KDM4D: variants seen among roughly 807,000 people sequenced by gnomAD.
KDM4D encodes the protein lysine demethylase 4D, also known as lysine-specific demethylase 4D.
For missense variants in KDM4D, 427 were observed against 674.8 expected (o/e 0.63, Z 4.07); for synonymous variants, 254 against 249.1 (o/e 1.02, Z -0.19).
intron 2 of KDM4D, among the ~76,000 whole-genome samples, chr11:94,990,480 A>T (rs587626145): frequency 6.6e-6 from 1 of 152,344 alleles, no homozygotes; most frequent in Non-Finnish European, 1.5e-5. Context: ...CTACGTTTGT[A>T]TAAGAAAATT....
chr11:94,978,877 A>G (rs907687986), intron 2 of KDM4D, among the ~76,000 whole-genome samples: 6 of 152,204 alleles, frequency 3.9e-5, no homozygotes, highest in Non-Finnish European at 7.4e-5. Flanking sequence ...TAGGAAAATT[A>G]CTATCGGACA....
chr11:94,994,838 A>C (rs1555099052), intron 2 of KDM4D, among the ~76,000 whole-genome samples: 1 of 152,080 alleles, frequency 6.6e-6, no homozygotes, highest in African/African-American at 2.4e-5. Context: ...GAGTAAGGAC[A>C]GTAGCTTAAA....
At chr11:94,979,031 A>G (rs1590964293) in intron 2 of KDM4D, among the ~76,000 whole-genome samples, 1 of 152,202 alleles carries the variant, frequency 6.6e-6, no homozygotes, top group East Asian at 1.9e-4. Context: ...GATCTACTAT[A>G]TAAGTTATAT....
Position 94,997,459 on chromosome 11 carries a change from T to G in KDM4D, c.87T>G (p.Asn29Lys), listed in dbSNP as rs1555099333. The G allele has an allele frequency of 6.2e-7, 1 of 1,614,092 alleles. No individual in the cohort carries two copies. The highest frequency in any genetic ancestry group is 1.7e-5 in the Admixed American group (1 of 60,012). Residue 29 changes from asparagine to lysine, a missense_variant, in exon 3 of 3, where the codon AAT becomes AAG. Asn to Lys is a moderately conservative substitution (Grantham distance 94). Transcript: ENST00000335080. ...MIFHPTKEEFNDFDKYIAYME... is the reference protein window; with the variant it reads ...MIFHPTKEEFKDFDKYIAYME... Reference sequence around the variant, plus strand: ...TTCATCCAACCAAAGAAGAGTTTAATGATTTTGATAAATATATTGCTTACA... The same window carrying G: ...TTCATCCAACCAAAGAAGAGTTTAAGGATTTTGATAAATATATTGCTTACA...
chr11:94,997,555 G>C lies in KDM4D; in HGVS notation c.183G>C (p.Glu61Asp). The change falls in exon 3 of 3, where the codon GAG becomes GAC. Residue 61 changes from glutamate to aspartate, a missense_variant. Physicochemically the swap from Glu to Asp is conservative, Grantham distance 45 (BLOSUM62 2). Coordinates refer to ENST00000335080, the MANE Select transcript of KDM4D (RefSeq NM_018039.3). ...IIPPKEWKAR[E>D]TYDNISEILI... ...CACCCAAAGAATGGAAAGCCAGAGA[G>C]ACCTATGATAATATCAGTGAAATCT... The C allele has an allele frequency of 6.2e-7, 1 of 1,614,014 alleles. No individual in the cohort carries two copies. The highest frequency in any genetic ancestry group is 8.5e-7 in the Non-Finnish European group (1 of 1,180,006).
At position 94,998,866 on chromosome 11, in the gene KDM4D, G is replaced by A; in HGVS notation, c.1494G>A (p.Met498Ile). 1 of 1,553,234 alleles carries A rather than the reference G, an allele frequency of 6.4e-7. No individual in the cohort carries two copies. Among genetic ancestry groups the A allele is most frequent in the Middle Eastern group, 1.7e-4 (1 of 5,746 alleles). ...PEPLPEDGAL[M>I]DKPVPLSPGL... The stretch of plus-strand genomic sequence containing the variant: ...CCCTACCTGAGGATGGGGCTTTGAT[G>A]GACAAGCCTGTACCACTGAGCCCAG... Residue 498 changes from methionine (M) to isoleucine (I), a missense_variant, in exon 3 of 3, where the codon ATG becomes ATA. Physicochemically the swap from Met to Ile is conservative, Grantham distance 10. Coordinates refer to ENST00000335080, the MANE Select transcript of KDM4D (RefSeq NM_018039.3). The surrounding 1 kb of genome is among the most constrained non-coding windows in gnomAD (Gnocchi z 6.7).
chr11:94,987,996 A>G (rs1857902709), intron 2 of KDM4D, among the ~76,000 whole-genome samples: 1 of 152,214 alleles, frequency 6.6e-6, no homozygotes, highest in Admixed American at 6.5e-5. Context: ...AAAACTGAAA[A>G]TATAGAAAGG....
Position 94,998,977 on chromosome 11 carries a change from G to A in KDM4D, c.*33G>A. Reference sequence around the variant, plus strand: ...GGCTGTCTTTATATCCCACTGCCCTGCTGTGTGACAGTTTGATGAAACTGG... The same window carrying A: ...GGCTGTCTTTATATCCCACTGCCCTACTGTGTGACAGTTTGATGAAACTGG... On this transcript the variant is annotated 3_prime_UTR_variant, in exon 3 of 3. Coordinates refer to ENST00000335080, the MANE Select transcript of KDM4D (RefSeq NM_018039.3). This position sits in a 1 kb window ranked among gnomAD's most constrained non-coding sequence, Gnocchi z 6.7. 1.4e-6 allele frequency: 2 copies of A among 1,475,910 alleles called. No homozygotes were observed. Among genetic ancestry groups the A allele is most frequent in the East Asian group, 2.3e-5 (1 of 43,256 alleles). 91.4% of individuals were successfully genotyped at this position (1,475,910 alleles called of 1,614,324 possible).
chr11:94,992,655 T>G (rs1217024801), intron 2 of KDM4D, among the ~76,000 whole-genome samples: 6 of 152,132 alleles, frequency 3.9e-5, no homozygotes, highest in Admixed American at 6.5e-5. Context: ...TAATTTCATT[T>G]ATAAGTATCT....
chr11:94,974,487 A>G (rs1213958657), intron 1 of KDM4D, among the ~76,000 whole-genome samples: 1 of 152,244 alleles, frequency 6.6e-6, no homozygotes, highest in East Asian at 1.9e-4. Context: ...GGAACTCACA[A>G]AATTGAATAT....
intron 1 of KDM4D, among the ~76,000 whole-genome samples, chr11:94,974,974 A>G (rs1402612550): frequency 6.6e-6 from 1 of 152,236 alleles, no homozygotes; most frequent in Non-Finnish European, 1.5e-5. Flanking sequence ...AATAAAAATC[A>G]CATTTCTTAA....
intron 2 of KDM4D, among the ~76,000 whole-genome samples, chr11:94,986,678 T>C (rs1555098158): frequency 6.6e-6 from 1 of 152,194 alleles, no homozygotes; most frequent in Non-Finnish European, 1.5e-5. Flanking sequence ...ATAACAAGTA[T>C]TGATGTGGAT....
At chr11:94,986,282 G>C (rs782404430) in intron 2 of KDM4D, among the ~76,000 whole-genome samples, 4 of 152,142 alleles carry the variant, frequency 2.6e-5, no homozygotes, top group Admixed American at 1.3e-4. Flanking sequence ...GAGTCATTAA[G>C]GAAAGGCAAA....
chr11:94,994,127 C>CT (rs1362188545), intron 2 of KDM4D, among the ~76,000 whole-genome samples: 2 of 152,104 alleles, frequency 1.3e-5, no homozygotes, highest in Non-Finnish European at 2.9e-5. Context: ...TCTAGATGTC[C>CT]TTGGGGCCTC....
At position 94,997,345 on chromosome 11, in the gene KDM4D, TA is replaced by T; in HGVS notation, c.-23del. 6.5e-7 allele frequency: 1 copy of T among 1,547,848 alleles called. No individual in the cohort carries two copies. The highest frequency in any genetic ancestry group is 8.7e-7 in the Non-Finnish European group (1 of 1,151,214). ...CATTGTCAACTATCTAGAACATACCTAAAAACTAAGAGTTTACTGCTTATTA... is the reference window on the plus strand; with the variant it reads ...CATTGTCAACTATCTAGAACATACCTAAAACTAAGAGTTTACTGCTTATTA... On this transcript the variant is annotated 5_prime_UTR_variant, in exon 3 of 3. Transcript: ENST00000335080.
At chr11:94,974,373 C>T (rs1420382459) in intron 1 of KDM4D, among the ~76,000 whole-genome samples, 2 of 152,176 alleles carry the variant, frequency 1.3e-5, no homozygotes, top group African/African-American at 4.8e-5. Flanking sequence ...TTGTTTAGCT[C>T]ATCTTGGTAT....
chr11:94,981,592 A>G (rs1555097561), intron 2 of KDM4D, among the ~76,000 whole-genome samples: 2 of 151,962 alleles, frequency 1.3e-5, no homozygotes, highest in African/African-American at 4.8e-5. Flanking sequence ...CTAAAAATGT[A>G]TTTACTTCAT....
At position 94,998,778 on chromosome 11, in the gene KDM4D, C is replaced by G; in HGVS notation, c.1406C>G (p.Thr469Ser). ...KLRAQELTLQ[T>S]PAKRPLLAGT... ...AGAGCTCAGGAGCTGACCCTCCAGA[C>G]TCCAGCCAAGAGGCCCCTCTTGGCG... Residue 469 changes from threonine (T) to serine (S), a missense_variant, in exon 3 of 3, where the codon ACT becomes AGT. By Grantham distance (58) the Thr-to-Ser change is moderately conservative. Coordinates refer to ENST00000335080, the MANE Select transcript of KDM4D (RefSeq NM_018039.3). This position sits in a 1 kb window ranked among gnomAD's most constrained non-coding sequence, Gnocchi z 6.7. The G allele has an allele frequency of 6.2e-7, 1 of 1,609,078 alleles. No individual in the cohort carries two copies. The highest frequency in any genetic ancestry group is 1.1e-5 in the South Asian group (1 of 90,900).
At chr11:94,993,175 C>T (rs61895494) in intron 2 of KDM4D, among the ~76,000 whole-genome samples, 17,693 of 152,032 alleles carry the variant, frequency 0.12, 1,203 homozygotes, top group Middle Eastern at 0.22. Flanking sequence ...CTAAAAGACC[C>T]GAAGAAAGAC....
Sources: gnomAD v4.1 joint callset for allele counts (sites outside exome capture counted in the v4.1 genomes callset) on GRCh38, gnomAD v4.1.1 for gene constraint, Gnocchi (gnomAD v3.1) non-coding constraint, MANE v1.5 for transcripts, NCBI Gene and HGNC (gene_info 2026-07-23, HGNC 2026-07-21) for gene names.